SLC5A12: variants seen among roughly 807,000 people sequenced by gnomAD.
SLC5A12 encodes the protein sodium-coupled monocarboxylate transporter 2.
SLC5A12 carries 46 observed loss-of-function variants against 72.7 expected under a neutral mutation model. The observed-to-expected ratio is 0.63, with a 90% CI of 0.50 to 0.81. The LOEUF (loss-of-function observed/expected upper bound fraction) is 0.81. Among genes scored for constraint, SLC5A12 ranks in the 30% least tolerant of loss-of-function variants. The pLI is 0.00. For missense variants in SLC5A12, 683 were observed against 740.7 expected, an observed-to-expected ratio of 0.92 and a Z score of 0.90; for synonymous variants, 275 against 264.4, an observed-to-expected ratio of 1.04 and a Z score of -0.39.
Position 26,703,650 on chromosome 11 carries a change from C to T in SLC5A12, c.702G>A (p.Arg234=). The change falls in exon 6 of 15, where the codon AGG becomes AGA. Residue 234 remains arginine (R), a synonymous_variant. Transcript: ENST00000396005. ...CTGTGATAGTCCAAAAAGTGTGTCG[C>T]CTGAGAGGATCTACATCAAAGCTAT... ...HIFDFDVDPL[R]RHTFWTITVG... The T allele has an allele frequency of 6.2e-7, 1 of 1,613,710 alleles. No individual in the cohort carries two copies. Among genetic ancestry groups the T allele is most frequent in the South Asian group, 1.1e-5 (1 of 91,074 alleles).
At chr11:26,686,408 G>T in intron 10 of SLC5A12, 69 bp downstream of exon 10, 2 of 1,403,612 alleles carry the variant, frequency 1.4e-6, no homozygotes, top group Non-Finnish European at 2.0e-6. Flanking sequence ...GGAGGAAGAA[G>T]CAAGACATTA....
intron 13 of SLC5A12, among the ~76,000 whole-genome samples, chr11:26,675,655 T>C (rs1043868557): frequency 6.6e-6 from 1 of 152,160 alleles, no homozygotes; most frequent in East Asian, 1.9e-4. Context: ...TATAGTAACC[T>C]GGGGTGGTTT....
intron 3 of SLC5A12, among the ~76,000 whole-genome samples, chr11:26,709,595 G>A (rs1340404297): frequency 6.6e-6 from 1 of 151,976 alleles, no homozygotes; most frequent in East Asian, 1.9e-4. Flanking sequence ...TTCATGTAAT[G>A]TTAAGTCAAA....
At chr11:26,703,735 G>T (rs1197281645) in intron 5 of SLC5A12, 58 bp downstream of exon 5, 7 of 1,612,612 alleles carry the variant, frequency 4.3e-6, no homozygotes, top group Non-Finnish European at 5.9e-6. Context: ...ATTATTTTAG[G>T]TGATAAGGTC....
chr11:26,677,969 C>A (rs1343244442), intron 13 of SLC5A12, among the ~76,000 whole-genome samples: 1 of 152,164 alleles, frequency 6.6e-6, no homozygotes, highest in Non-Finnish European at 1.5e-5. Flanking sequence ...TCACCACTAC[C>A]AACCCCTCAT....
intron 9 of SLC5A12, among the ~76,000 whole-genome samples, chr11:26,690,084 T>C (rs1437922926): frequency 6.6e-6 from 1 of 152,168 alleles, no homozygotes; most frequent in Non-Finnish European, 1.5e-5. Context: ...AAGTAGATGC[T>C]ATTGCTAGGT....
chr11:26,719,677 T>C (rs551610217), intron 1 of SLC5A12, among the ~76,000 whole-genome samples: 35 of 152,340 alleles, frequency 2.3e-4, no homozygotes, highest in Non-Finnish European at 4.3e-4. Flanking sequence ...TTCCCTTGTC[T>C]GGTGCAATTA....
Position 26,678,783 on chromosome 11 carries a change from G to C in SLC5A12, c.1508C>G (p.Ser503Cys). 6.2e-7 allele frequency: 1 copy of C among 1,613,228 alleles called. No homozygotes were observed. The highest frequency in any genetic ancestry group is 8.5e-7 in the Non-Finnish European group (1 of 1,179,520). The change falls in exon 13 of 15, where the codon TCC becomes TGC. Residue 503 changes from serine to cysteine, a missense_variant. Transcript: ENST00000396005. ...GCCCACTGCACTGTAGTAAAGGTAG[G>C]AGATCGAGTACCAGGTATCAGCTAT... Reference protein sequence around the residue: ...PGIADTWYSISYLYYSAVGCL... With the variant: ...PGIADTWYSICYLYYSAVGCL...
At chr11:26,697,352 A>T in intron 7 of SLC5A12, 100 bp from the exon 8 acceptor site, 1 of 1,025,446 alleles carries the variant, frequency 9.8e-7, no homozygotes, top group Non-Finnish European at 1.4e-6. Context: ...TCTTCTCATC[A>T]GTGTTTGAAA....
At chr11:26,693,847 G>A (rs921252628) in intron 8 of SLC5A12, among the ~76,000 whole-genome samples, 2 of 152,014 alleles carry the variant, frequency 1.3e-5, no homozygotes, top group African/African-American at 4.8e-5. Context: ...TGCTTGGGGG[G>A]TACTATTCTT....
intron 13 of SLC5A12, among the ~76,000 whole-genome samples, chr11:26,675,043 T>A (rs4923376): frequency 0.89 from 135,348 of 152,218 alleles, 60,603 homozygotes; most frequent in Non-Finnish European, 0.95. Flanking sequence ...TGTGAGTGGC[T>A]GAGGAGGAGT....
intron 6 of SLC5A12, among the ~76,000 whole-genome samples, chr11:26,700,256 C>T (rs1854925463): frequency 6.6e-6 from 1 of 152,070 alleles, no homozygotes; most frequent in Admixed American, 6.6e-5. Flanking sequence ...AATGAGAAAC[C>T]AGTGGAAATA....
rs188344202 is a variant in SLC5A12, at chr11:26,688,527, T to C, written c.1154-1983A>G. Among the ~76,000 whole-genome samples, 5 of 152,310 alleles carry C rather than the reference T, an allele frequency of 3.3e-5. No homozygotes were observed. The East Asian group carries it at 7.7e-4, about 24-fold the overall frequency. ...CACAAATAAACGAAGAAAGGAAATA[T>C]AGAATACATGACAAAATGTTGCCAA... On this transcript the variant is annotated intron_variant, in intron 9 of 14. Transcript: ENST00000396005.
intron 4 of SLC5A12, among the ~76,000 whole-genome samples, chr11:26,705,071 T>TC (rs139485740): frequency 0.036 from 5,440 of 152,042 alleles, 326 homozygotes; most frequent in African/African-American, 0.12. Flanking sequence ...CCCTTTAGAG[T>TC]CACTTGAGGA....
At chr11:26,687,417 C>G (rs1854563042) in intron 9 of SLC5A12, among the ~76,000 whole-genome samples, 1 of 152,142 alleles carries the variant, frequency 6.6e-6, no homozygotes, top group South Asian at 2.1e-4. Context: ...CATTCTCTGT[C>G]AGCTACATAT....
At chr11:26,694,561 G>C (rs1299451019) in intron 8 of SLC5A12, among the ~76,000 whole-genome samples, 1 of 152,140 alleles carries the variant, frequency 6.6e-6, no homozygotes, top group Admixed American at 6.6e-5. Flanking sequence ...ATAGGACAGT[G>C]TCACTGTGTG....
chr11:26,721,466 G>GACT lies in SLC5A12; in HGVS notation c.246_248dup (p.Val83dup). ...TGACAAATAGGTAAGCAATGAAGAA[G>GACT]ACTAGGAAGGATGCCCCAAAGCGGT... On this transcript the variant is annotated inframe_insertion, in exon 1 of 15. Transcript: ENST00000396005. The GACT allele has an allele frequency of 6.2e-7, 1 of 1,614,136 alleles. No homozygotes were observed. The highest frequency in any genetic ancestry group is 8.5e-7 in the Non-Finnish European group (1 of 1,180,030).
At chr11:26,715,494 C>T (rs1855330405) in intron 1 of SLC5A12, among the ~76,000 whole-genome samples, 1 of 152,122 alleles carries the variant, frequency 6.6e-6, no homozygotes, top group African/African-American at 2.4e-5. Flanking sequence ...CAGTTGTTCA[C>T]AGTGGTAACC....
chr11:26,692,001 A>T (rs1854688255), intron 9 of SLC5A12: 1 of 154,864 alleles, frequency 6.5e-6, no homozygotes, highest in Non-Finnish European at 1.4e-5. Flanking sequence ...TAATCAAGAG[A>T]GATTGATGTG....
Sources: gnomAD v4.1 joint callset for allele counts (sites outside exome capture counted in the v4.1 genomes callset) on GRCh38, gnomAD v4.1.1 for gene constraint, MANE v1.5 for transcripts, NCBI Gene and HGNC (gene_info 2026-07-23, HGNC 2026-07-21) for gene names.